REXO2: variants seen among roughly 807,000 people sequenced by gnomAD.
The protein encoded by REXO2 is oligoribonuclease, mitochondrial.
In REXO2, 17 loss-of-function variants were observed where a neutral mutation model predicts 30.9. The ratio of observed to expected loss-of-function variants is 0.55; its 90% CI spans 0.38 to 0.82. REXO2 has a LOEUF of 0.82. Among genes scored for constraint, REXO2 ranks in the 40% least tolerant of loss-of-function variants. The pLI, the probability that REXO2 is intolerant of heterozygous loss-of-function variation, is 0.00. For missense variants in REXO2, 253 were observed against 293.2 expected (o/e 0.86, Z 1.00); for synonymous variants, 105 against 99.6 (o/e 1.05, Z -0.32).
chr11:114,445,835 C>G, intron 4 of REXO2, 144 bp from the exon 5 acceptor site: 3 of 600,328 alleles, frequency 5.0e-6, no homozygotes, highest in South Asian at 4.0e-5. Context: ...TTTACCCAAA[C>G]CTGATTTAGA....
chr11:114,439,620 C>T lies in REXO2; in HGVS notation c.92C>T (p.Ala31Val). ...GCCCGAGGTGTCCGCGAAGGTGGCG[C>T]AGCCATGGCGGCAGGGGAGAGCATG... is the stretch of plus-strand genomic sequence containing the variant. Reference protein sequence around the residue: ...FGARGVREGGAAMAAGESMAQ... With the variant: ...FGARGVREGGVAMAAGESMAQ... The change falls in exon 1 of 7, where the codon GCA (alanine) becomes GTA (valine). Residue 31 changes from alanine to valine, a missense_variant. Coordinates refer to ENST00000265881, the MANE Select transcript of REXO2 (RefSeq NM_015523.4). 1 of 1,603,408 alleles carries T rather than the reference C, an allele frequency of 6.2e-7. No homozygotes were observed. Among genetic ancestry groups the T allele is most frequent in the Non-Finnish European group, 8.5e-7 (1 of 1,176,378 alleles).
rs753792672 is a variant in REXO2 at position 114,446,057 on chromosome 11, T to A, written c.500T>A (p.Ile167Asn). The A allele has an allele frequency of 2.5e-6, 4 of 1,602,642 alleles. No individual in the cohort carries two copies. In the South Asian group the frequency reaches 4.4e-5, roughly 18 times the overall value. ...ATGAAACATCTTCATTATAGAATAA[T>A]TGATGTGAGCACTGTTAAAGAACTG... ...QFMKHLHYRI[I>N]DVSTVKELCR... is the part of the protein sequence containing the mutation. The change falls in exon 5 of 7, where the codon ATT becomes AAT. Residue 167 changes from isoleucine to asparagine, a missense_variant. Coordinates refer to ENST00000265881, the MANE Select transcript of REXO2 (RefSeq NM_015523.4).
At chr11:114,448,273 G>T (rs1946523979) in intron 6 of REXO2, among the ~76,000 whole-genome samples, 1 of 152,066 alleles carries the variant, frequency 6.6e-6, no homozygotes, top group South Asian at 2.1e-4. Flanking sequence ...TAGTTTTTCT[G>T]ATTGTTTCTC....
At chr11:114,444,027 T>C in intron 3 of REXO2, 94 bp downstream of exon 3, 1 of 890,458 alleles carries the variant, frequency 1.1e-6, no homozygotes, top group Non-Finnish European at 1.8e-6. Flanking sequence ...TGGATGGTAT[T>C]TTAAAAAGGC....
At chr11:114,448,014 T>G (rs998069161) in intron 6 of REXO2, 135 bp downstream of exon 6, 1 of 681,210 alleles carries the variant, frequency 1.5e-6, no homozygotes, top group Non-Finnish European at 2.5e-6. Flanking sequence ...AAACATAACA[T>G]TCTTTTACTG....
intron 5 of REXO2, among the ~76,000 whole-genome samples, chr11:114,447,049 C>G (rs1946514175): frequency 6.6e-6 from 1 of 151,528 alleles, no homozygotes; most frequent in Admixed American, 6.6e-5. Flanking sequence ...CGCCATTCTC[C>G]TGCCTCAGCC....
Position 114,440,754 on chromosome 11 carries a change from G to A in REXO2, c.231+15G>A, listed in dbSNP as rs757513164. 6.4e-7 allele frequency: 1 copy of A among 1,558,472 alleles called. No individual in the cohort carries two copies. Among genetic ancestry groups the A allele is most frequent in the Non-Finnish European group, 8.8e-7 (1 of 1,130,772 alleles). ...TTTTGGCTGAAGTACGTGATGCCATGTAATACAGTCATACTTTTTAAAGGG... is the reference window on the plus strand; with the variant it reads ...TTTTGGCTGAAGTACGTGATGCCATATAATACAGTCATACTTTTTAAAGGG... On this transcript the variant is annotated intron_variant, in intron 2 of 6. Transcript: ENST00000265881.
intron 4 of REXO2, chr11:114,445,352 A>G (rs544740994): frequency 1.3e-5 from 2 of 152,364 alleles, no homozygotes; most frequent in South Asian, 4.1e-4. Context: ...CTCTGAAGGT[A>G]TATGTACGTT....
At chr11:114,442,474 A>G (rs1389134817) in intron 2 of REXO2, among the ~76,000 whole-genome samples, 1 of 152,090 alleles carries the variant, frequency 6.6e-6, no homozygotes, top group Non-Finnish European at 1.5e-5. Flanking sequence ...TTCTTCGCAG[A>G]GATTACCAAC....
At chr11:114,440,578 A>G in intron 1 of REXO2, 78 bp from the exon 2 acceptor site, 1 of 1,072,296 alleles carries the variant, frequency 9.3e-7, no homozygotes, top group East Asian at 2.4e-5. Context: ...GTTTGAGGGA[A>G]TTCCTGTTAA....
Position 114,439,479 on chromosome 11 carries a change from T to TGCGCCA in REXO2, c.-44_-39dup, listed in dbSNP as rs1946459118. ...TGCGACGTTTAGCGACTATTGCGCCTGCGCCAGCGCCGGCTGCGAGACTGG... is the reference window on the plus strand; with the variant it reads ...TGCGACGTTTAGCGACTATTGCGCCTGCGCCAGCGCCAGCGCCGGCTGCGAGACTGG... On this transcript the variant is annotated 5_prime_UTR_variant, in exon 1 of 7. Coordinates refer to ENST00000265881, the MANE Select transcript of REXO2 (RefSeq NM_015523.4). 7 of 1,591,610 alleles carry TGCGCCA rather than the reference T, an allele frequency of 4.4e-6. No individual in the cohort carries two copies. Among genetic ancestry groups the TGCGCCA allele is most frequent in the South Asian group, 3.3e-5 (3 of 89,870 alleles).
At chr11:114,449,230 T>A (rs1316569822) in intron 6 of REXO2, 1 of 152,208 alleles carries the variant, frequency 6.6e-6, no homozygotes. Context: ...GATCCTCTGG[T>A]ATGGTTAGGT....
At chr11:114,443,548 G>A (rs891439897) in intron 2 of REXO2, among the ~76,000 whole-genome samples, 2 of 151,492 alleles carry the variant, frequency 1.3e-5, no homozygotes, top group African/African-American at 4.9e-5. Flanking sequence ...TTTTACAAAT[G>A]TAAAAATCAT....
At chr11:114,449,253 T>A (rs1946530758) in intron 6 of REXO2, 1 of 152,260 alleles carries the variant, frequency 6.6e-6, no homozygotes, top group Admixed American at 6.5e-5. Context: ...TGTTTGATAA[T>A]TGATGTTTAT....
At position 114,445,984 on chromosome 11, in the gene REXO2, T is replaced by G. The variant is rs777308443; in HGVS notation, c.427T>G (p.Ser143Ala). 1.3e-6 allele frequency: 2 copies of G among 1,568,402 alleles called. No individual in the cohort carries two copies. The highest frequency in any genetic ancestry group is 1.8e-6 in the Non-Finnish European group (2 of 1,138,984). The change falls in exon 5 of 7, where the codon TCA becomes GCA. Residue 143 changes from serine to alanine, a missense_variant. Transcript: ENST00000265881. ...TATGCTTCGTGTCTTTCTAGGAAAT[T>G]CAGTTCATGAAGATAAGAAGTTTCT... Reference protein sequence around the residue: ...PPGLCPLAGNSVHEDKKFLDK... With the variant: ...PPGLCPLAGNAVHEDKKFLDK...
chr11:114,448,624 A>G (rs1283996827), intron 6 of REXO2, among the ~76,000 whole-genome samples: 1 of 152,144 alleles, frequency 6.6e-6, no homozygotes, highest in Non-Finnish European at 1.5e-5. Context: ...TGATTTCAGA[A>G]TTTTTCAGAT....
intron 2 of REXO2, chr11:114,440,940 A>AT: frequency 2.3e-6 from 1 of 434,522 alleles, no homozygotes; most frequent in Non-Finnish European, 4.0e-6. Flanking sequence ...ATTAAACATT[A>AT]TTTTTTAATT....
At chr11:114,441,670 A>G (rs747227794) in intron 2 of REXO2, 2 of 699,088 alleles carry the variant, frequency 2.9e-6, no homozygotes, top group Non-Finnish European at 5.2e-6. Context: ...CCTAGAGGGT[A>G]GCATTGATAT....
chr11:114,440,308 G>C (rs182194135), intron 1 of REXO2, among the ~76,000 whole-genome samples: 1 of 152,282 alleles, frequency 6.6e-6, no homozygotes, highest in Admixed American at 6.5e-5. Flanking sequence ...AGGTCCAGTG[G>C]TGTAATTAAT....
Sources: allele counts gnomAD v4.1 joint callset (sites outside exome capture counted in the v4.1 genomes callset), GRCh38; gene constraint gnomAD v4.1.1; transcripts MANE v1.5; gene names NCBI Gene and HGNC (gene_info 2026-07-23, HGNC 2026-07-21).